Variants in SYTL5 observed in about 807,000 individuals in gnomAD.
SYTL5 encodes the protein synaptotagmin like 5.
In SYTL5, 34 loss-of-function variants were observed where a neutral mutation model predicts 55.9. The ratio of observed to expected loss-of-function variants is 0.61; its 90% CI spans 0.46 to 0.81. The LOEUF (loss-of-function observed/expected upper bound fraction) is 0.81. SYTL5 is among the 30% of genes least tolerant of loss of function. The pLI, the probability that SYTL5 is intolerant of heterozygous loss-of-function variation, is 0.00. For missense variants in SYTL5, 637 were observed against 546.7 expected, an observed-to-expected ratio of 1.17 and a Z score of -1.65; for synonymous variants, 221 against 188.7, an observed-to-expected ratio of 1.17 and a Z score of -1.40.
intron 9 of SYTL5, among the ~76,000 whole-genome samples, chrX:38,099,590 G>T (rs1445221235): frequency 9.1e-6 from 1 of 110,265 alleles, no homozygotes; most frequent in Non-Finnish European, 1.9e-5. Context: ...CTGTTTAATT[G>T]CTCTGGCTAG....
chrX:38,094,326 C>T lies in SYTL5; in HGVS notation c.863C>T (p.Ala288Val). Residue 288 changes from alanine (A) to valine (V), a missense_variant, in exon 8 of 17, where the codon GCT becomes GTT. Coordinates refer to ENST00000297875, the MANE Select transcript of SYTL5 (RefSeq NM_138780.3). ...EYGFENSMDL[A>V]AIEGTSQELT... Reference sequence around the variant, plus strand: ...GGTTTTGAAAATTCCATGGATTTGGCTGCTATTGAAGGTACCTCTCAGGAG... The same window carrying T: ...GGTTTTGAAAATTCCATGGATTTGGTTGCTATTGAAGGTACCTCTCAGGAG... 8.3e-7 allele frequency: 1 copy of T among 1,202,620 alleles called. No homozygotes were observed. Among genetic ancestry groups the T allele is most frequent in the Non-Finnish European group, 1.1e-6 (1 of 889,288 alleles).
the SYTL5 span, among the ~76,000 whole-genome samples, chrX:37,986,030 A>C: frequency 8.9e-6 from 1 of 111,832 alleles, no homozygotes; most frequent in Non-Finnish European, 1.9e-5. Context: ...CAAAGAACTA[A>C]ATGAAAAAGT....
intron 16 of SYTL5, among the ~76,000 whole-genome samples, chrX:38,126,212 C>G (rs191522429): frequency 9.0e-6 from 1 of 111,496 alleles, no homozygotes; most frequent in Non-Finnish European, 1.9e-5. Flanking sequence ...TTAAGGGGAG[C>G]CAAAAATATC....
chrX:38,085,250 T>A (rs1041769691), intron 6 of SYTL5, among the ~76,000 whole-genome samples: 1 of 111,847 alleles, frequency 8.9e-6, no homozygotes, highest in East Asian at 2.8e-4. Flanking sequence ...TGGCTTCATA[T>A]TGGAATCACC....
At chrX:38,029,475 G>T (rs1303450119) in intron 1 of SYTL5, among the ~76,000 whole-genome samples, 2 of 112,181 alleles carry the variant, frequency 1.8e-5, no homozygotes, top group Non-Finnish European at 3.8e-5. Context: ...GTTAGTAAGC[G>T]ATTTTAATTA....
chrX:37,953,731 T>C, the SYTL5 span, among the ~76,000 whole-genome samples: 2 of 111,675 alleles, frequency 1.8e-5, no homozygotes, highest in African/African-American at 6.5e-5. Flanking sequence ...CTAATCACCA[T>C]GGCTAGAGAG....
At chrX:37,986,633 C>A in the SYTL5 span, among the ~76,000 whole-genome samples, 1 of 111,168 alleles carries the variant, frequency 9.0e-6, no homozygotes, top group Admixed American at 9.6e-5. Flanking sequence ...TGGTCTCCTC[C>A]CTTATTCCCC....
At chrX:38,037,621 G>A (rs1602329302) in intron 2 of SYTL5, among the ~76,000 whole-genome samples, 1 of 111,485 alleles carries the variant, frequency 9.0e-6, no homozygotes, top group Middle Eastern at 4.6e-3. Flanking sequence ...AGAAGCCCAA[G>A]ATTAAGCATC....
chrX:37,950,408 G>T, the SYTL5 span, among the ~76,000 whole-genome samples: 2 of 111,466 alleles, frequency 1.8e-5, no homozygotes, highest in Non-Finnish European at 3.8e-5. Context: ...AGCTGTTTTA[G>T]GTAGGAAGAT....
chrX:37,919,964 T>A, the SYTL5 span, among the ~76,000 whole-genome samples: 3 of 111,600 alleles, frequency 2.7e-5, no homozygotes, highest in African/African-American at 9.8e-5. Flanking sequence ...CCTTGACTGG[T>A]TACCAGTAAA....
the SYTL5 span, among the ~76,000 whole-genome samples, chrX:37,949,624 A>G: frequency 4.5e-4 from 50 of 111,477 alleles, no homozygotes; most frequent in Non-Finnish European, 8.9e-4. Flanking sequence ...GTAGAACATG[A>G]AAAAAGGAAA....
chrX:37,989,928 G>A, the SYTL5 span, among the ~76,000 whole-genome samples: 92 of 110,629 alleles, frequency 8.3e-4, 1 homozygote, highest in Non-Finnish European at 1.3e-4. Context: ...GCTGGAGTGT[G>A]GTGGCACGAT....
intron 1 of SYTL5, among the ~76,000 whole-genome samples, chrX:38,026,225 T>C (rs1262401500): frequency 8.9e-6 from 1 of 112,493 alleles, no homozygotes; most frequent in Non-Finnish European, 1.9e-5. Flanking sequence ...AGATCTTCCT[T>C]GTCTATGCCT....
intron 11 of SYTL5, 147 bp from the exon 12 acceptor site, chrX:38,108,453 G>A (rs888161489): frequency 4.8e-6 from 2 of 416,375 alleles, no homozygotes. Context: ...TCTATTTTAA[G>A]GTATCCTGTT....
chrX:37,940,778 G>C, the SYTL5 span, among the ~76,000 whole-genome samples: 20 of 110,279 alleles, frequency 1.8e-4, no homozygotes, highest in Non-Finnish European at 3.2e-4. Context: ...GTTGACTCTG[G>C]GGTAAATTAT....
intron 2 of SYTL5, among the ~76,000 whole-genome samples, chrX:38,043,743 A>G (rs1478789552): frequency 1.0e-5 from 1 of 99,512 alleles, no homozygotes; most frequent in Non-Finnish European, 2.0e-5. Context: ...AAATTTACAT[A>G]TACATACTAT....
the SYTL5 span, among the ~76,000 whole-genome samples, chrX:37,966,265 T>C: frequency 9.1e-6 from 1 of 110,342 alleles, no homozygotes; most frequent in Non-Finnish European, 1.9e-5. Context: ...CTGTCTCTCT[T>C]ATTTTTGTTT....
At chrX:38,057,878 C>G (rs138023507) in intron 3 of SYTL5, among the ~76,000 whole-genome samples, 6,882 of 110,831 alleles carry the variant, frequency 0.062, 521 homozygotes, top group African/African-American at 0.21. Flanking sequence ...CAGATATCCT[C>G]TCTCACCTCC....
At chrX:38,079,608 A>G (rs1483453440) in intron 6 of SYTL5, among the ~76,000 whole-genome samples, 1 of 112,295 alleles carries the variant, frequency 8.9e-6, no homozygotes, top group Non-Finnish European at 1.9e-5. Flanking sequence ...CCAGAAACAG[A>G]CCCCTAGACA....
Sources: gnomAD v4.1 joint callset for allele counts (sites outside exome capture counted in the v4.1 genomes callset) on GRCh38, gnomAD v4.1.1 for gene constraint, MANE v1.5 for transcripts, NCBI Gene and HGNC (gene_info 2026-07-23, HGNC 2026-07-21) for gene names.